Variants in DGKB observed in about 807,000 individuals in gnomAD.
DGKB encodes 90 kDa diacylglycerol kinase.
In DGKB, 67 loss-of-function variants were observed where a neutral mutation model predicts 114.3. The observed-to-expected ratio is 0.59, with a 90% CI of 0.48 to 0.72. The LOEUF (loss-of-function observed/expected upper bound fraction) is 0.72. DGKB is among the 30% of genes least tolerant of loss of function. The probability of loss-of-function intolerance (pLI) is 0.00; values close to 1 mark genes in which losing one functional copy is unlikely to be tolerated. For missense variants in DGKB, 907 were observed against 975.2 expected, an observed-to-expected ratio of 0.93 and a Z score of 0.93; for synonymous variants, 398 against 323.1, an observed-to-expected ratio of 1.23 and a Z score of -2.49.
At chr7:14,192,012 G>T in intron 23 of DGKB, 1 of 518,902 alleles carries the variant, frequency 1.9e-6, no homozygotes, top group South Asian at 1.6e-5. Context: ...GAGCTTTTCT[G>T]ACTATCCTCT....
chr7:14,172,145 A>T (rs555807724), intron 25 of DGKB, among the ~76,000 whole-genome samples: 1 of 152,182 alleles, frequency 6.6e-6, no homozygotes. Context: ...GAAGAGGAAA[A>T]ATTTGTTTGG....
chr7:14,854,270 T>C (rs1306597966), intron 1 of DGKB, among the ~76,000 whole-genome samples: 1 of 152,234 alleles, frequency 6.6e-6, no homozygotes, highest in Non-Finnish European at 1.5e-5. Flanking sequence ...AAATTCTTTA[T>C]ACCTGATTCT....
chr7:14,825,016 GTA>G (rs67135250), intron 2 of DGKB, among the ~76,000 whole-genome samples: 14,793 of 92,072 alleles, frequency 0.16, 1,224 homozygotes, highest in African/African-American at 0.21. Context: ...GTATGTGTAT[GTA>G]TATATATATA....
chr7:14,331,499 T>C (rs1263078022), intron 23 of DGKB, among the ~76,000 whole-genome samples: 2 of 152,018 alleles, frequency 1.3e-5, no homozygotes, highest in African/African-American at 2.4e-5. Flanking sequence ...AAATAACCCA[T>C]AGAAATGTCT....
chr7:14,858,297 A>T (rs994368), intron 1 of DGKB, among the ~76,000 whole-genome samples: 80,604 of 152,062 alleles, frequency 0.53, 24,146 homozygotes, highest in East Asian at 0.93. Context: ...CAGATATCTA[A>T]GTTCAAGAAT....
chr7:14,691,306 G>A (rs1822823322), intron 9 of DGKB, among the ~76,000 whole-genome samples: 1 of 152,092 alleles, frequency 6.6e-6, no homozygotes, highest in Admixed American at 6.6e-5. Context: ...TACTCCCCGA[G>A]CTCATAATTG....
intron 1 of DGKB, among the ~76,000 whole-genome samples, chr7:14,897,159 TA>T (rs573779144): frequency 1.3e-5 from 2 of 151,858 alleles, no homozygotes; most frequent in South Asian, 2.1e-4. Flanking sequence ...GATGGTACTT[TA>T]AAAAAAATTG....
At chr7:14,757,625 G>T (rs775311743) in intron 3 of DGKB, 30 bp downstream of exon 3, 4 of 1,306,364 alleles carry the variant, frequency 3.1e-6, no homozygotes, top group Non-Finnish European at 4.4e-6. Flanking sequence ...GCATATATAC[G>T]AAACTGATAT....
intron 23 of DGKB, among the ~76,000 whole-genome samples, chr7:14,328,146 T>C (rs1388295460): frequency 6.6e-6 from 1 of 152,112 alleles, no homozygotes; most frequent in African/African-American, 2.4e-5. Flanking sequence ...CTCTGAAAAT[T>C]TGAATATCAT....
Position 14,145,120 on chromosome 7 carries a change from C to G in DGKB, c.*4011G>C, listed in dbSNP as rs528166861. On this transcript the variant is annotated 3_prime_UTR_variant, in exon 26 of 26. Transcript: ENST00000402815. ...CATTTCTGAGAAAATAATTAAGGTA[C>G]TATAATTAAGTTCCATGTTTTTAAA... 1.3e-5 allele frequency: 2 copies of G among 152,188 alleles called. 1 individual carries two copies. The highest frequency in any genetic ancestry group is 4.8e-5 in the African/African-American group (2 of 41,514). 9.4% of individuals were successfully genotyped at this position (152,188 alleles called of 1,614,324 possible).
chr7:14,824,723 T>G (rs1032279782), intron 2 of DGKB, among the ~76,000 whole-genome samples: 1 of 151,964 alleles, frequency 6.6e-6, no homozygotes. Context: ...TTATGTACAT[T>G]TACCCTTTTA....
At chr7:14,896,671 G>T (rs905833120) in intron 1 of DGKB, among the ~76,000 whole-genome samples, 2 of 151,480 alleles carry the variant, frequency 1.3e-5, no homozygotes, top group Non-Finnish European at 3.0e-5. Context: ...TTTATGAAAT[G>T]GCTTGTATTT....
intron 1 of DGKB, among the ~76,000 whole-genome samples, chr7:14,919,440 C>T (rs1282732833): frequency 6.6e-6 from 1 of 152,140 alleles, no homozygotes; most frequent in Non-Finnish European, 1.5e-5. Flanking sequence ...TACATACATA[C>T]ATGTAGAAAC....
chr7:14,778,749 C>T lies in DGKB; in HGVS notation c.71-21018G>A, dbSNP rs535712602. 2.6e-5 allele frequency among the ~76,000 whole-genome samples: 4 copies of T among 152,268 alleles called. No individual in the cohort carries two copies. The South Asian group carries it at 8.3e-4, about 32-fold the overall frequency. On this transcript the variant is annotated intron_variant, in intron 2 of 25. Transcript: ENST00000402815. ...TGTAACCTTGACCCTTATAGATAAC[C>T]AAGCATTTTAAATGTAGCTTTTAGC...
intron 13 of DGKB, among the ~76,000 whole-genome samples, chr7:14,630,704 G>C (rs1010092436): frequency 6.6e-6 from 1 of 151,780 alleles, no homozygotes; most frequent in African/African-American, 2.4e-5. Flanking sequence ...TGTTCATTTT[G>C]TTTTGTGATA....
At chr7:14,505,163 G>A (rs1027140068) in intron 20 of DGKB, among the ~76,000 whole-genome samples, 1 of 152,102 alleles carries the variant, frequency 6.6e-6, no homozygotes, top group African/African-American at 2.4e-5. Context: ...TTCAAGAATA[G>A]ACTAAACTTG....
Position 14,585,157 on chromosome 7 carries a change from T to G in DGKB, c.1434-2020A>C, listed in dbSNP as rs537808136. Among the ~76,000 whole-genome samples, 7 of 152,250 alleles carry G rather than the reference T, an allele frequency of 4.6e-5. No individual in the cohort carries two copies. The East Asian group carries it at 1.2e-3, about 25-fold the overall frequency. On this transcript the variant is annotated intron_variant, in intron 17 of 25. Coordinates refer to ENST00000402815, the MANE Select transcript of DGKB (RefSeq NM_001350709.2). The stretch of plus-strand genomic sequence containing the variant: ...TTAGAACAGGAAACTTTCATGCATT[T>G]TCTCATTTATTATATTGTGGATATT...
intron 7 of DGKB, among the ~76,000 whole-genome samples, chr7:14,699,205 T>C (rs1167214552): frequency 2.0e-5 from 3 of 152,130 alleles, no homozygotes; most frequent in African/African-American, 7.2e-5. Flanking sequence ...GATAAATGTA[T>C]TTATTACAGA....
At chr7:14,423,477 A>G (rs1171380127) in intron 21 of DGKB, among the ~76,000 whole-genome samples, 1 of 152,080 alleles carries the variant, frequency 6.6e-6, no homozygotes, top group Non-Finnish European at 1.5e-5. Flanking sequence ...GTGTTCAAAT[A>G]TCATCTGGTT....
Sources: allele counts gnomAD v4.1 joint callset (sites outside exome capture counted in the v4.1 genomes callset), GRCh38; gene constraint gnomAD v4.1.1; transcripts MANE v1.5; gene names NCBI Gene and HGNC (gene_info 2026-07-23, HGNC 2026-07-21).